Variants in DPH6 observed in about 807,000 individuals in gnomAD.
DPH6 encodes diphthine--ammonia ligase.
DPH6 carries 33 observed loss-of-function variants against 38.2 expected under a neutral mutation model. That is an observed-to-expected ratio of 0.86 (90% CI 0.65 to 1.15). DPH6 has a LOEUF of 1.15. Among genes scored for constraint, DPH6 ranks in the 50% most tolerant of loss-of-function variants. The pLI, the probability that DPH6 is intolerant of heterozygous loss-of-function variation, is 0.00. For synonymous variants in DPH6, 108 were observed against 103.0 expected, an observed-to-expected ratio of 1.05 and a Z score of -0.30; for missense variants, 325 against 320.0, an observed-to-expected ratio of 1.02 and a Z score of -0.12.
chr15:35,390,434 T>C (rs1228772689), intron 6 of DPH6, among the ~76,000 whole-genome samples: 2 of 152,184 alleles, frequency 1.3e-5, no homozygotes, highest in Non-Finnish European at 2.9e-5. Context: ...TCCTGCAGAG[T>C]GTTTTCCAAT....
chr15:35,242,166 C>T (rs2051604804), intron 3 of DPH6, among the ~76,000 whole-genome samples: 1 of 144,602 alleles, frequency 6.9e-6, no homozygotes, highest in Non-Finnish European at 1.5e-5. Context: ...CCCATTACTT[C>T]AGTCAAGCCC....
intron 3 of DPH6, among the ~76,000 whole-genome samples, chr15:35,494,931 T>A (rs1249359183): frequency 6.6e-6 from 1 of 152,092 alleles, no homozygotes; most frequent in Non-Finnish European, 1.5e-5. Context: ...AGGAAAAAAA[T>A]GTCATTATTC....
intron 3 of DPH6, among the ~76,000 whole-genome samples, chr15:35,478,362 C>A (rs1384923412): frequency 1.2e-5 from 1 of 83,724 alleles, no homozygotes; most frequent in African/African-American, 3.2e-5. Context: ...CACATACCCA[C>A]ACATACACAC....
chr15:35,336,505 T>C lies in DPH6; in HGVS notation n.208-5428A>G, dbSNP rs531574665. On this transcript the variant is annotated intron_variant and non_coding_transcript_variant, in intron 3 of 3. Coordinates refer to the DPH6 transcript ENST00000558973. ...CATTCATCACGTAGTTCTTGTGCCA[T>C]GGTTTTCAGCTGTGTGCCAGTTTTC... 2.9e-4 allele frequency among the ~76,000 whole-genome samples: 44 copies of C among 152,286 alleles called. No homozygotes were observed. The South Asian group carries it at 8.5e-3, about 29-fold the overall frequency.
At chr15:35,183,983 T>C in the DPH6 span, among the ~76,000 whole-genome samples, 6 of 152,214 alleles carry the variant, frequency 3.9e-5, no homozygotes, top group Non-Finnish European at 7.3e-5. Context: ...AGAGAGATGA[T>C]CATCAGTATG....
the DPH6 span, among the ~76,000 whole-genome samples, chr15:35,174,608 C>T: frequency 6.6e-6 from 1 of 152,142 alleles, no homozygotes; most frequent in African/African-American, 2.4e-5. Flanking sequence ...TCTTGCAAAC[C>T]TAACAGTCAT....
intron 3 of DPH6, among the ~76,000 whole-genome samples, chr15:35,264,337 G>C (rs2140421255): frequency 6.6e-6 from 1 of 152,066 alleles, no homozygotes; most frequent in East Asian, 1.9e-4. Context: ...ATAACAAGAG[G>C]CAATGCTACT....
chr15:35,379,056 C>T (rs1020910205), intron 7 of DPH6, among the ~76,000 whole-genome samples: 2 of 152,122 alleles, frequency 1.3e-5, no homozygotes, highest in Admixed American at 1.3e-4. Flanking sequence ...GAATCTGTTC[C>T]TTGCTTTTTC....
At chr15:35,368,383 A>G (rs1466618012), downstream of DPH6, among the ~76,000 whole-genome samples, 2 of 151,926 alleles carry the variant, frequency 1.3e-5, no homozygotes, top group South Asian at 2.1e-4. Context: ...TGCTATGGCC[A>G]TATGTCAGAT....
chr15:35,545,730 G>A (rs867169891), intron 1 of DPH6, among the ~76,000 whole-genome samples: 1 of 152,148 alleles, frequency 6.6e-6, no homozygotes, highest in Admixed American at 6.5e-5. Flanking sequence ...GATGGAATAA[G>A]GTAGTGGCTC....
At chr15:35,280,539 A>G (rs982015825) in intron 3 of DPH6, among the ~76,000 whole-genome samples, 3 of 152,248 alleles carry the variant, frequency 2.0e-5, no homozygotes, top group Non-Finnish European at 2.9e-5. Context: ...TATTGTGCAC[A>G]TGCCAACAGT....
chr15:35,199,665 T>C, the DPH6 span, among the ~76,000 whole-genome samples: 2 of 151,572 alleles, frequency 1.3e-5, no homozygotes, highest in Non-Finnish European at 2.9e-5. Context: ...AAATCAAAGA[T>C]GACAGATTAT....
At chr15:35,437,016 G>A (rs1379422082) in intron 5 of DPH6, among the ~76,000 whole-genome samples, 1 of 151,210 alleles carries the variant, frequency 6.6e-6, no homozygotes, top group African/African-American at 2.4e-5. Flanking sequence ...CAGGGTGTAC[G>A]TGGGTAACAG....
intron 3 of DPH6, among the ~76,000 whole-genome samples, chr15:35,346,292 T>A (rs373681833): frequency 2.2e-4 from 33 of 152,174 alleles, no homozygotes; most frequent in Middle Eastern, 3.4e-3. Flanking sequence ...AGTCATCTAC[T>A]CTTGGAAGTG....
the DPH6 span, among the ~76,000 whole-genome samples, chr15:35,210,312 G>A: frequency 1.3e-5 from 2 of 152,166 alleles, no homozygotes; most frequent in African/African-American, 2.4e-5. Flanking sequence ...GGGATTAGAT[G>A]TATATAAAAT....
intron 5 of DPH6, among the ~76,000 whole-genome samples, chr15:35,412,669 C>A (rs575528342): frequency 1.3e-5 from 2 of 151,642 alleles, no homozygotes; most frequent in South Asian, 4.2e-4. Context: ...GCTATCAAGC[C>A]ATGAAAATAC....
the DPH6 span, among the ~76,000 whole-genome samples, chr15:35,173,847 C>A: frequency 6.6e-6 from 1 of 152,156 alleles, no homozygotes; most frequent in Admixed American, 6.5e-5. Flanking sequence ...TTAGACTTAT[C>A]TTTTACTGGG....
chr15:35,406,490 G>T (rs1253208195), intron 6 of DPH6, among the ~76,000 whole-genome samples: 2 of 151,894 alleles, frequency 1.3e-5, no homozygotes, highest in Non-Finnish European at 2.9e-5. Flanking sequence ...GACTGACAAG[G>T]GGCAAGACAG....
chr15:35,529,269 GGCAGAAGT>G (rs2055050402), intron 3 of DPH6, among the ~76,000 whole-genome samples: 3 of 152,158 alleles, frequency 2.0e-5, no homozygotes, highest in Non-Finnish European at 4.4e-5. Flanking sequence ...TTACAATCAT[GGCAGAAGT>G]CGAAAGAAAA....
Sources: gnomAD v4.1 joint callset for allele counts (sites outside exome capture counted in the v4.1 genomes callset) on GRCh38, gnomAD v4.1.1 for gene constraint, MANE v1.5 for transcripts, NCBI Gene and HGNC (gene_info 2026-07-23, HGNC 2026-07-21) for gene names.